The following R3HDM4 variants were observed in gnomAD, a reference collection of about 807,000 sequenced individuals.
R3HDM4 encodes the protein R3H domain containing 4, also known as R3H domain-containing protein 4.
R3HDM4 carries 30 observed loss-of-function variants against 31.3 expected under a neutral mutation model. That is an observed-to-expected ratio of 0.96 (90% CI 0.72 to 1.30). R3HDM4 has a LOEUF of 1.30. Among genes scored for constraint, R3HDM4 ranks in the 50% most tolerant of loss-of-function variants. The pLI, the probability that R3HDM4 is intolerant of heterozygous loss-of-function variation, is 0.00. For synonymous variants in R3HDM4, 196 were observed against 156.6 expected, an observed-to-expected ratio of 1.25 and a Z score of -1.88; for missense variants, 444 against 366.1, an observed-to-expected ratio of 1.21 and a Z score of -1.74.
intron 1 of R3HDM4, among the ~76,000 whole-genome samples, chr19:906,275 A>G (rs982223816): frequency 5.7e-5 from 8 of 139,880 alleles, no homozygotes; most frequent in East Asian, 2.1e-4. Context: ...GCTGGAGTTC[A>G]CTGGCTCGAT....
intron 3 of R3HDM4, 57 bp downstream of exon 3, chr19:901,365 C>T (rs1176159605): frequency 1.3e-5 from 21 of 1,558,284 alleles, no homozygotes; most frequent in African/African-American, 5.4e-5. Flanking sequence ...ATGGCCTGGC[C>T]GTAGGAGAAC....
At chr19:898,206 A>C (rs2036766009) in intron 7 of R3HDM4, among the ~76,000 whole-genome samples, 1 of 134,662 alleles carries the variant, frequency 7.4e-6, no homozygotes, top group African/African-American at 3.0e-5. Context: ...ACACAGTGAA[A>C]CCCTGTCTCT....
rs1192475170 is a variant in R3HDM4, at chr19:913,129, C to A, written c.29G>T (p.Gly10Val). The A allele has an allele frequency of 1.8e-6, 2 of 1,090,244 alleles. No individual in the cohort carries two copies. Among genetic ancestry groups the A allele is most frequent in the Non-Finnish European group, 2.2e-6 (2 of 896,982 alleles). 67.5% of individuals were successfully genotyped at this position (1,090,244 alleles called of 1,614,324 possible). A position where few individuals can be genotyped will look rare whatever the true frequency, so the allele number is the denominator to read the frequency against. Residue 10 changes from glycine to valine, a missense_variant, in exon 1 of 8, where the codon GGC becomes GTC. Gly to Val is a moderately radical substitution (Grantham distance 109, BLOSUM62 -3). Coordinates refer to ENST00000361574, the MANE Select transcript of R3HDM4 (RefSeq NM_138774.4). This position sits in a 1 kb window ranked among gnomAD's most constrained non-coding sequence, Gnocchi z 5.0. ...CGGGGTGCCCTCCGCCGCCTCCGGG[C>A]CGCACTCGGGGTTCTCCAGCGCGAC... MVALENPEC[G>V]PEAAEGTPGG... is the part of the protein sequence containing the mutation.
rs768770446 is a variant in R3HDM4, at chr19:901,510, C to A, written c.263G>T (p.Gly88Val). The change falls in exon 3 of 8, where the codon GGC (glycine) becomes GTC (valine). Residue 88 changes from glycine (G) to valine (V), a missense_variant. By Grantham distance (109) the Gly-to-Val change is moderately radical. Transcript: ENST00000361574. ...GTCCCCATCCTCCAGGCCAGGCAGG[C>A]CCCCGTCTGTCTCCAGCAGGGTCAG... ...YLLTLLETDG[G>V]LPGLEDGDLA... 1 of 1,608,272 alleles carries A rather than the reference C, an allele frequency of 6.2e-7. No homozygotes were observed. The highest frequency in any genetic ancestry group is 1.1e-5 in the South Asian group (1 of 90,796).
rs1168715771 is a variant in R3HDM4 at position 907,807 on chromosome 19, C to G, written c.71+5280G>C. On this transcript the variant is annotated intron_variant, in intron 1 of 7. Transcript: ENST00000361574. This position sits in a 1 kb window ranked among gnomAD's most constrained non-coding sequence, Gnocchi z 4.1. ...GGCTTTCGCCTGTTTTGTTTGGTAT[C>G]TGAGGGCTCGCCACCCTCCCCTGGG... Among the ~76,000 whole-genome samples the G allele has an allele frequency of 2.0e-5, 3 of 152,204 alleles. No homozygotes were observed. The highest frequency in any genetic ancestry group is 7.2e-5 in the African/African-American group (3 of 41,458).
rs771120208 is a variant in R3HDM4, at chr19:900,983, A to G, written c.352-31T>C. ...AGAGAGGCAGGGAGGCAGGCTTGCCATGAAACACTGGGGCTGCGCTGACAT... is the reference window on the plus strand; with the variant it reads ...AGAGAGGCAGGGAGGCAGGCTTGCCGTGAAACACTGGGGCTGCGCTGACAT... On this transcript the variant is annotated intron_variant, in intron 3 of 7. Transcript: ENST00000361574. 41 of 1,536,914 alleles carry G rather than the reference A, an allele frequency of 2.7e-5. No homozygotes were observed. In the East Asian group the frequency reaches 5.5e-4, roughly 20 times the overall value.
rs1406512343 is a variant in R3HDM4 at position 897,466 on chromosome 19, G to A, written c.778C>T (p.Leu260=). The change falls in exon 8 of 8, where the codon CTG becomes TTG. Residue 260 remains leucine (L), a synonymous_variant. Transcript: ENST00000361574. The part of the protein sequence containing the change: ...HLDFLPPGLL[L]SAYLEQHS ...CTGTGCTGCTCCAGGTAGGCGGACA[G>A]GAGCAGCCCCGGCGGCAGGAAATCC... The A allele has an allele frequency of 1.2e-6, 2 of 1,611,912 alleles. No homozygotes were observed. Among genetic ancestry groups the A allele is most frequent in the African/African-American group, 2.7e-5 (2 of 74,926 alleles).
Position 899,932 on chromosome 19 carries a change from G to T in R3HDM4, c.561+129C>A. The T allele has an allele frequency of 3.0e-6, 3 of 1,007,620 alleles. No homozygotes were observed. Among genetic ancestry groups the T allele is most frequent in the Non-Finnish European group, 4.5e-6 (3 of 661,926 alleles). The allele number at this position is 1,007,620 out of a possible 1,614,324, so 62.4% of individuals were successfully genotyped here. On this transcript the variant is annotated intron_variant, in intron 5 of 7. Coordinates refer to ENST00000361574, the MANE Select transcript of R3HDM4 (RefSeq NM_138774.4). The surrounding 1 kb of genome is among the most constrained non-coding windows in gnomAD (Gnocchi z 6.8). ...CCGCCCTCCTACTCAGGGCCCTGGT[G>T]CCGCTGTCTGTATCCTGCCCTGTTT...
chr19:900,883 C>A lies in R3HDM4; in HGVS notation c.421G>T (p.Gly141Cys). ...ERVLRYLEDE[G>C]RSKARRRGPG... ...CCCCTCCTCCGCGCCTTGCTCCTGCCCTCATCCTCCAGGTAGCGAAGAACC... is the reference window on the plus strand; with the variant it reads ...CCCCTCCTCCGCGCCTTGCTCCTGCACTCATCCTCCAGGTAGCGAAGAACC... The change falls in exon 4 of 8, where the codon GGC becomes TGC. Residue 141 changes from glycine to cysteine, a missense_variant. Transcript: ENST00000361574. 1.3e-6 allele frequency: 2 copies of A among 1,587,752 alleles called. No individual in the cohort carries two copies. The highest frequency in any genetic ancestry group is 1.7e-6 in the Non-Finnish European group (2 of 1,169,026).
At position 902,095 on chromosome 19, in the gene R3HDM4, G is replaced by A. The variant is rs750207266; in HGVS notation, c.107C>T (p.Ser36Phe). ...LPSCLPALAS[S>F]QVKRLSASRR... Reference sequence around the variant, plus strand: ...GGAAGCCGAGAGTCTCTTCACCTGGGAGCTGGCTAGGGCAGGCAGGCAGCT... The same window carrying A: ...GGAAGCCGAGAGTCTCTTCACCTGGAAGCTGGCTAGGGCAGGCAGGCAGCT... The change falls in exon 2 of 8, where the codon TCC (serine) becomes TTC (phenylalanine). Residue 36 changes from serine (S) to phenylalanine (F), a missense_variant. Coordinates refer to ENST00000361574, the MANE Select transcript of R3HDM4 (RefSeq NM_138774.4). 8.7e-6 allele frequency: 14 copies of A among 1,613,764 alleles called. No individual in the cohort carries two copies. Among genetic ancestry groups the A allele is most frequent in the Non-Finnish European group, 1.2e-5 (14 of 1,180,002 alleles).
At chr19:911,457 T>C (rs907489882) in intron 1 of R3HDM4, among the ~76,000 whole-genome samples, 4 of 152,194 alleles carry the variant, frequency 2.6e-5, no homozygotes, top group Non-Finnish European at 4.4e-5. Flanking sequence ...ATATTAATAC[T>C]ACTAAAATAA....
chr19:904,493 A>G (rs1395589920), intron 1 of R3HDM4, among the ~76,000 whole-genome samples: 1 of 152,160 alleles, frequency 6.6e-6, no homozygotes, highest in Non-Finnish European at 1.5e-5. Flanking sequence ...TGCAACCCCC[A>G]AAAGACTGGA....
chr19:912,722 T>TG (rs919113186), intron 1 of R3HDM4, among the ~76,000 whole-genome samples: 2 of 19,718 alleles, frequency 1.0e-4, no homozygotes, highest in African/African-American at 4.2e-4. Context: ...ACCAGTGCAG[T>TG]GGGGGGGCGG....
At chr19:900,802 C>A in intron 4 of R3HDM4, 27 bp downstream of exon 4, 1 of 1,410,658 alleles carries the variant, frequency 7.1e-7, no homozygotes, top group South Asian at 1.3e-5. Flanking sequence ...CTGGCCCCAC[C>A]CATACCCGCC....
chr19:897,680 T>C, intron 7 of R3HDM4, 140 bp from the exon 8 acceptor site: 2 of 662,854 alleles, frequency 3.0e-6, no homozygotes, highest in Non-Finnish European at 5.2e-6. Flanking sequence ...GCGGCCTGGC[T>C]GGCCCTAAGC....
intron 1 of R3HDM4, among the ~76,000 whole-genome samples, chr19:902,814 G>A (rs1052527353): frequency 1.4e-4 from 21 of 151,984 alleles, no homozygotes; most frequent in East Asian, 3.9e-4. Context: ...GGTGGCGTGC[G>A]CCTGTAATCT....
intron 7 of R3HDM4, among the ~76,000 whole-genome samples, chr19:897,983 C>T (rs553900175): frequency 7.9e-5 from 12 of 152,256 alleles, no homozygotes; most frequent in African/African-American, 2.2e-4. Context: ...AAATGAATGA[C>T]CTGGCCAGGC....
intron 1 of R3HDM4, among the ~76,000 whole-genome samples, chr19:908,885 T>C (rs1599363127): frequency 6.6e-6 from 1 of 151,834 alleles, no homozygotes; most frequent in East Asian, 1.9e-4. Flanking sequence ...CAAGACAGGG[T>C]CCGCCCCCCG....
intron 1 of R3HDM4, among the ~76,000 whole-genome samples, chr19:903,324 C>T (rs919044844): frequency 6.6e-6 from 1 of 151,912 alleles, no homozygotes; most frequent in African/African-American, 2.4e-5. Context: ...ATCGGCCTGG[C>T]CGGAGCAAAT....
Sources: gnomAD v4.1 joint callset for allele counts (sites outside exome capture counted in the v4.1 genomes callset) on GRCh38, gnomAD v4.1.1 for gene constraint, Gnocchi (gnomAD v3.1) non-coding constraint, MANE v1.5 for transcripts, NCBI Gene and HGNC (gene_info 2026-07-23, HGNC 2026-07-21) for gene names.